ANKS1B: variants seen among roughly 807,000 people sequenced by gnomAD.
The protein encoded by ANKS1B is ankyrin repeat and sterile alpha motif domain containing 1B, also known as ankyrin repeat and sterile alpha motif domain-containing protein 1B.
A neutral mutation model predicts 148.3 loss-of-function variants in ANKS1B; 36 were observed. That is an observed-to-expected ratio of 0.24 (90% CI 0.19 to 0.32). The LOEUF is 0.32. ANKS1B is among the 10% of genes least tolerant of loss of function. The probability of loss-of-function intolerance (pLI) is 1.00; values close to 1 mark genes in which losing one functional copy is unlikely to be tolerated. For missense variants in ANKS1B, 1,157 were observed against 1,542.6 expected (o/e 0.75, Z 4.19); for synonymous variants, 542 against 560.8 (o/e 0.97, Z 0.47).
At chr12:99,474,129 C>T (rs1311683934) in intron 10 of ANKS1B, among the ~76,000 whole-genome samples, 1 of 152,000 alleles carries the variant, frequency 6.6e-6, no homozygotes, top group Non-Finnish European at 1.5e-5. Context: ...TTTGCTTAGA[C>T]TTAGTACATC....
intron 17 of ANKS1B, among the ~76,000 whole-genome samples, chr12:98,833,080 G>A (rs1255902631): frequency 6.6e-6 from 1 of 152,150 alleles, no homozygotes; most frequent in East Asian, 1.9e-4. Context: ...ATGCTGCAAA[G>A]GGCACATGGT....
intron 9 of ANKS1B, among the ~76,000 whole-genome samples, chr12:99,584,212 C>T (rs1341728306): frequency 6.6e-6 from 1 of 152,100 alleles, no homozygotes; most frequent in Non-Finnish European, 1.5e-5. Flanking sequence ...TGGGCAAAAG[C>T]TTATGAAAAT....
At chr12:99,243,008 A>T (rs2089641906) in intron 14 of ANKS1B, among the ~76,000 whole-genome samples, 1 of 152,246 alleles carries the variant, frequency 6.6e-6, no homozygotes, top group Non-Finnish European at 1.5e-5. Flanking sequence ...CTAAAACACC[A>T]AAAGCAATGG....
At chr12:99,211,623 C>A (rs1311272403) in intron 14 of ANKS1B, among the ~76,000 whole-genome samples, 2 of 152,144 alleles carry the variant, frequency 1.3e-5, no homozygotes, top group Non-Finnish European at 2.9e-5. Flanking sequence ...TCTTTTGACA[C>A]CAGGAAGGAC....
Position 99,320,108 on chromosome 12 carries a change from T to G in ANKS1B, c.1757-73244A>C, listed in dbSNP as rs535130275. 2.6e-5 allele frequency among the ~76,000 whole-genome samples: 4 copies of G among 152,364 alleles called. 1 individual carries two copies. In the East Asian group the frequency reaches 7.7e-4, roughly 29 times the overall value. On this transcript the variant is annotated intron_variant, in intron 12 of 26. Transcript: ENST00000683438. ...CTTTGTGGGTAACCTGCCCTTTCTC[T>G]CTGGCTGCCCTTAATATTTTTTCCT...
chr12:99,076,718 C>T (rs2047978404), intron 16 of ANKS1B, among the ~76,000 whole-genome samples: 5 of 152,104 alleles, frequency 3.3e-5, no homozygotes, highest in Admixed American at 3.3e-4. Flanking sequence ...TGAGTTCTTC[C>T]CTGTTTAGAA....
At chr12:99,769,307 T>A (rs2062977060) in intron 8 of ANKS1B, among the ~76,000 whole-genome samples, 2 of 152,116 alleles carry the variant, frequency 1.3e-5, no homozygotes, top group East Asian at 3.9e-4. Flanking sequence ...AGAGCAATGC[T>A]CAGAGCTACC....
At chr12:99,616,490 A>G (rs937305214) in intron 9 of ANKS1B, among the ~76,000 whole-genome samples, 1 of 152,144 alleles carries the variant, frequency 6.6e-6, no homozygotes, top group East Asian at 1.9e-4. Context: ...AACGCCACAC[A>G]TCTACAACCA....
intron 9 of ANKS1B, among the ~76,000 whole-genome samples, chr12:98,737,564 A>T (rs2097779634): frequency 6.6e-6 from 1 of 152,218 alleles, no homozygotes; most frequent in Non-Finnish European, 1.5e-5. Flanking sequence ...GGGCCTCAGT[A>T]AACACTTGTT....
At chr12:99,153,753 G>A (rs1037682752) in intron 15 of ANKS1B, among the ~76,000 whole-genome samples, 4 of 152,076 alleles carry the variant, frequency 2.6e-5, no homozygotes, top group Admixed American at 6.6e-5. Flanking sequence ...GGAAGTAAAC[G>A]CTCTCCATAA....
chr12:99,455,537 C>T (rs1201972611), intron 10 of ANKS1B, among the ~76,000 whole-genome samples: 3 of 152,172 alleles, frequency 2.0e-5, no homozygotes, highest in Non-Finnish European at 4.4e-5. Flanking sequence ...TAGTCCTGCT[C>T]ATAGGCTGCC....
intron 9 of ANKS1B, among the ~76,000 whole-genome samples, chr12:99,545,870 A>G (rs990606431): frequency 5.3e-5 from 8 of 151,668 alleles, no homozygotes; most frequent in South Asian, 2.1e-4. Context: ...CCTATATCCA[A>G]TAACATTTGC....
intron 9 of ANKS1B, among the ~76,000 whole-genome samples, chr12:99,623,514 C>A (rs188826182): frequency 4.6e-5 from 7 of 152,034 alleles, no homozygotes; most frequent in Admixed American, 4.6e-4. Context: ...AAAGACTCTG[C>A]CAATAGGCTC....
chr12:99,185,867 G>C (rs1398330205), intron 14 of ANKS1B, among the ~76,000 whole-genome samples: 1 of 152,274 alleles, frequency 6.6e-6, no homozygotes, highest in South Asian at 2.1e-4. Context: ...ATACCCCAGT[G>C]GCCCTGGAAC....
At chr12:99,452,565 T>G (rs2095762317) in intron 10 of ANKS1B, among the ~76,000 whole-genome samples, 1 of 152,204 alleles carries the variant, frequency 6.6e-6, no homozygotes, top group South Asian at 2.1e-4. Context: ...GTAACTTTGT[T>G]GTAGTGATTG....
intron 17 of ANKS1B, among the ~76,000 whole-genome samples, chr12:99,029,900 A>G (rs1253879126): frequency 6.6e-6 from 1 of 152,198 alleles, no homozygotes; most frequent in Non-Finnish European, 1.5e-5. Flanking sequence ...GGGAATGGTA[A>G]CACCTGCCTT....
chr12:98,992,969 G>A (rs1358294226), intron 17 of ANKS1B, among the ~76,000 whole-genome samples: 2 of 152,132 alleles, frequency 1.3e-5, no homozygotes, highest in Non-Finnish European at 2.9e-5. Flanking sequence ...GGGCTTTAAA[G>A]GCTATGAGGG....
At chr12:99,689,311 T>A (rs2098666693) in intron 8 of ANKS1B, among the ~76,000 whole-genome samples, 1 of 152,178 alleles carries the variant, frequency 6.6e-6, no homozygotes, top group South Asian at 2.1e-4. Context: ...AGGCTAACAA[T>A]TAGAGCCAGC....
At chr12:99,844,353 C>G (rs1434863559) in intron 1 of ANKS1B, among the ~76,000 whole-genome samples, 2 of 151,996 alleles carry the variant, frequency 1.3e-5, no homozygotes, top group Non-Finnish European at 2.9e-5. Flanking sequence ...GGTTTTCTTC[C>G]AGGGTTTTTC....
Sources: allele counts gnomAD v4.1 joint callset (sites outside exome capture counted in the v4.1 genomes callset), GRCh38; gene constraint gnomAD v4.1.1; transcripts MANE v1.5; gene names NCBI Gene and HGNC (gene_info 2026-07-23, HGNC 2026-07-21).